The following TNFAIP8 variants were observed in gnomAD, a reference collection of about 807,000 sequenced individuals.
The protein encoded by TNFAIP8 is tumor necrosis factor alpha-induced protein 8.
Under a neutral mutation model 13.3 loss-of-function variants are expected in TNFAIP8, and 7 were observed. The ratio of observed to expected loss-of-function variants is 0.52; its 90% CI spans 0.30 to 0.99. The LOEUF (loss-of-function observed/expected upper bound fraction) is 0.99. Among genes scored for constraint, TNFAIP8 ranks in the 50% least tolerant of loss-of-function variants. TNFAIP8 has a pLI of 0.07. For synonymous variants in TNFAIP8, 94 were observed against 87.6 expected (o/e 1.07, Z -0.41); for missense variants, 258 against 236.9 (o/e 1.09, Z -0.58).
intron 1 of TNFAIP8, among the ~76,000 whole-genome samples, chr5:119,282,018 G>A (rs1164398100): frequency 6.6e-6 from 1 of 152,192 alleles, no homozygotes; most frequent in Admixed American, 6.5e-5. Flanking sequence ...GTCTAATGAT[G>A]ATGATCTCAA....
At chr5:119,347,695 C>G (rs1011088176) in intron 1 of TNFAIP8, among the ~76,000 whole-genome samples, 1 of 152,182 alleles carries the variant, frequency 6.6e-6, no homozygotes, top group Non-Finnish European at 1.5e-5. Context: ...TCACTGCTAC[C>G]TGCAAAAATA....
chr5:119,280,584 ATGG>A (rs1364668392), intron 1 of TNFAIP8, among the ~76,000 whole-genome samples: 1 of 152,142 alleles, frequency 6.6e-6, no homozygotes. Context: ...AAGATTACAG[ATGG>A]TGGTGTATTC....
chr5:119,388,727 G>A (rs528244236), intron 1 of TNFAIP8, among the ~76,000 whole-genome samples: 1 of 151,996 alleles, frequency 6.6e-6, no homozygotes, highest in African/African-American at 2.4e-5. Flanking sequence ...CAGCTCTGTA[G>A]CCTTGAACTC....
chr5:119,388,922 G>A (rs1163850018), intron 1 of TNFAIP8, among the ~76,000 whole-genome samples: 1 of 152,040 alleles, frequency 6.6e-6, no homozygotes, highest in Non-Finnish European at 1.5e-5. Context: ...GGGATTACAG[G>A]TGTGAGCCAC....
At chr5:119,381,445 T>G (rs1030930873) in intron 1 of TNFAIP8, among the ~76,000 whole-genome samples, 4 of 151,732 alleles carry the variant, frequency 2.6e-5, no homozygotes, top group Non-Finnish European at 4.4e-5. Flanking sequence ...GAGGCTGAGG[T>G]GGGAGGATTA....
chr5:119,375,400 G>C (rs1407913990), intron 1 of TNFAIP8, among the ~76,000 whole-genome samples: 2 of 152,116 alleles, frequency 1.3e-5, no homozygotes, highest in Non-Finnish European at 1.5e-5. Flanking sequence ...CGAAAGGTGG[G>C]GGCTGCTCAA....
chr5:119,269,652 G>C (rs1748211858), intron 1 of TNFAIP8, among the ~76,000 whole-genome samples: 1 of 152,156 alleles, frequency 6.6e-6, no homozygotes, highest in South Asian at 2.1e-4. Context: ...ACAGATTTTC[G>C]AAAACACAGA....
At chr5:119,283,617 A>G (rs1325694854) in intron 1 of TNFAIP8, among the ~76,000 whole-genome samples, 2 of 152,188 alleles carry the variant, frequency 1.3e-5, no homozygotes, top group Non-Finnish European at 2.9e-5. Flanking sequence ...GTGATATGGA[A>G]AAGCTGCCTG....
chr5:119,392,928 T>A lies in TNFAIP8; in HGVS notation c.144T>A (p.Ser48Arg). ...IATTLIDDTSSEVLDELYRVT... is the reference protein window; with the variant it reads ...IATTLIDDTSREVLDELYRVT... ...CCACCTTAATAGACGACACAAGTAGTGAGGTGCTGGATGAGCTCTACAGAG... is the reference window on the plus strand; with the variant it reads ...CCACCTTAATAGACGACACAAGTAGAGAGGTGCTGGATGAGCTCTACAGAG... The change falls in exon 2 of 2, where the codon AGT becomes AGA. Residue 48 changes from serine (S) to arginine (R), a missense_variant. By Grantham distance (110) the Ser-to-Arg change is moderately radical. Coordinates refer to ENST00000504771, the MANE Select transcript of TNFAIP8 (RefSeq NM_014350.4). 3 of 1,607,186 alleles carry A rather than the reference T, an allele frequency of 1.9e-6. No homozygotes were observed. The highest frequency in any genetic ancestry group is 1.7e-4 in the Middle Eastern group (1 of 6,056).
intron 1 of TNFAIP8, among the ~76,000 whole-genome samples, chr5:119,369,516 G>A (rs1012059063): frequency 5.9e-5 from 9 of 152,214 alleles, no homozygotes; most frequent in African/African-American, 2.2e-4. Context: ...TAACCAGTGA[G>A]GTGTGAGGAC....
rs1301107562 is a variant in TNFAIP8 at position 119,356,148 on chromosome 5, CGGCCAA to C, written c.31+29_31+34del. The C allele has an allele frequency of 9.6e-6, 15 of 1,554,524 alleles. No homozygotes were observed. The East Asian group carries it at 3.6e-4, about 37-fold the overall frequency. ...TAGGATTCTGGTTTCTCCTGGGGGC[CGGCCAA>C]GTTCTGCGGAGGAATTTGGAGGAAG... On this transcript the variant is annotated intron_variant, in intron 1 of 1. Coordinates refer to ENST00000504771, the MANE Select transcript of TNFAIP8 (RefSeq NM_014350.4).
At chr5:119,328,167 A>C (rs577360413) in intron 1 of TNFAIP8, among the ~76,000 whole-genome samples, 7 of 152,328 alleles carry the variant, frequency 4.6e-5, no homozygotes, top group Admixed American at 2.0e-4. Context: ...ATTGTTCAAA[A>C]GTCAGAATGT....
intron 1 of TNFAIP8, among the ~76,000 whole-genome samples, chr5:119,375,781 T>G (rs912641973): frequency 6.6e-6 from 1 of 152,206 alleles, no homozygotes; most frequent in Non-Finnish European, 1.5e-5. Flanking sequence ...ATGTTCAATT[T>G]AGGATCTTAA....
intron 1 of TNFAIP8, among the ~76,000 whole-genome samples, chr5:119,364,846 T>G (rs1641317997): frequency 7.8e-6 from 1 of 128,384 alleles, no homozygotes; most frequent in Non-Finnish European, 1.7e-5. Flanking sequence ...TTTCAGTTTT[T>G]TTTTTTTTTT....
chr5:119,304,861 CTG>C (rs907174104), intron 1 of TNFAIP8, among the ~76,000 whole-genome samples: 1 of 152,208 alleles, frequency 6.6e-6, no homozygotes, highest in African/African-American at 2.4e-5. Flanking sequence ...AATTCTAACT[CTG>C]TGTTTGAAGC....
rs1474562147 is a variant in TNFAIP8 at position 119,325,128 on chromosome 5, A to G, written c.1+56221A>G. 4.6e-5 allele frequency among the ~76,000 whole-genome samples: 7 copies of G among 152,258 alleles called. No individual in the cohort carries two copies. The East Asian group carries it at 1.4e-3, about 29-fold the overall frequency. Reference sequence around the variant, plus strand: ...TACATGCCATATATGGATGTGCCATAATTTACTTAATCAGTCCCCATGTGG... The same window carrying G: ...TACATGCCATATATGGATGTGCCATGATTTACTTAATCAGTCCCCATGTGG... On this transcript the variant is annotated intron_variant, in intron 1 of 1. Coordinates refer to the TNFAIP8 transcript ENST00000274456.
intron 1 of TNFAIP8, among the ~76,000 whole-genome samples, chr5:119,282,028 A>G (rs73248911): frequency 0.01 from 1,545 of 152,314 alleles, 16 homozygotes; most frequent in African/African-American, 0.035. Context: ...GATGATCTCA[A>G]TGTTTTCCTG....
intron 1 of TNFAIP8, among the ~76,000 whole-genome samples, chr5:119,288,413 A>G (rs1405575713): frequency 1.3e-5 from 2 of 152,206 alleles, no homozygotes; most frequent in East Asian, 3.8e-4. Context: ...ATGTTGCTAA[A>G]TTTTACTGGA....
At chr5:119,303,763 C>T (rs939770654) in intron 1 of TNFAIP8, among the ~76,000 whole-genome samples, 1 of 152,174 alleles carries the variant, frequency 6.6e-6, no homozygotes, top group African/African-American at 2.4e-5. Flanking sequence ...TGAGATGGTT[C>T]CCCTTCCCAG....
Sources: gnomAD v4.1 joint callset for allele counts (sites outside exome capture counted in the v4.1 genomes callset) on GRCh38, gnomAD v4.1.1 for gene constraint, MANE v1.5 for transcripts, NCBI Gene and HGNC (gene_info 2026-07-23, HGNC 2026-07-21) for gene names.